The following ADGRV1 variants were observed in gnomAD, a reference collection of about 807,000 sequenced individuals.
ADGRV1 encodes G-protein coupled receptor 98.
In ADGRV1, 359 loss-of-function variants were observed where a neutral mutation model predicts 596.2. The observed-to-expected ratio is 0.60, with a 90% CI of 0.55 to 0.66. ADGRV1 has a LOEUF of 0.66. Ranked by LOEUF, ADGRV1 falls within the 30% of genes least tolerant of loss-of-function variation. The pLI is 0.00. For missense variants in ADGRV1, 7,274 were observed against 7,575.6 expected (o/e 0.96, Z 1.48); for synonymous variants, 2,681 against 2,679.2 (o/e 1.00, Z -0.02).
intron 50 of ADGRV1, among the ~76,000 whole-genome samples, chr5:90,733,069 GT>G (rs1447242091): frequency 3.3e-5 from 5 of 152,204 alleles, no homozygotes; most frequent in Admixed American, 3.3e-4. Context: ...CTGGGCAAGA[GT>G]TGAAGAGGGC....
chr5:90,851,134 T>TGTGTGTGTGTGTGTGTGAGAGAGAGAGA (rs757909771), intron 79 of ADGRV1, among the ~76,000 whole-genome samples: 57 of 81,484 alleles, frequency 7.0e-4, no homozygotes, highest in Non-Finnish European at 1.2e-3. Flanking sequence ...TGTGTGTGTG[T>TGTGTGTGTGTGTGTGTGAGAGAGAGAGA]GAGAGAGAGA....
chr5:91,164,274 C>T lies in ADGRV1; in HGVS notation c.*374C>T, dbSNP rs1797189408. On this transcript the variant is annotated 3_prime_UTR_variant, in exon 90 of 90. Coordinates refer to ENST00000405460, the MANE Select transcript of ADGRV1 (RefSeq NM_032119.4). ...AAACATTGTGCATGGGCAAAAAAAG[C>T]TAACTCTATATGTAGATGATGACAA... is the stretch of plus-strand genomic sequence containing the variant. The T allele has an allele frequency of 2.1e-5, 7 of 328,048 alleles. No individual in the cohort carries two copies. The highest frequency in any genetic ancestry group is 1.8e-4 in the South Asian group (7 of 38,448). 20.3% of individuals were successfully genotyped at this position (328,048 alleles called of 1,614,324 possible). A position where few individuals can be genotyped will look rare whatever the true frequency, so the allele number is the denominator to read the frequency against.
intron 38 of ADGRV1, among the ~76,000 whole-genome samples, chr5:90,707,245 G>A (rs1003640839): frequency 6.6e-6 from 1 of 151,988 alleles, no homozygotes; most frequent in African/African-American, 2.4e-5. Flanking sequence ...GTTGTTTTGG[G>A]GACTTAGTGT....
intron 87 of ADGRV1, among the ~76,000 whole-genome samples, chr5:91,102,701 A>C (rs975207243): frequency 6.6e-6 from 1 of 152,226 alleles, no homozygotes; most frequent in African/African-American, 2.4e-5. Context: ...GGGTCTAGAA[A>C]TTAGATCAAT....
chr5:90,618,985 A>T, intron 3 of ADGRV1, 101 bp from the exon 4 acceptor site: 1 of 510,024 alleles, frequency 2.0e-6, no homozygotes, highest in South Asian at 4.4e-5. Context: ...TATTTTTATT[A>T]TATTCTGAAT....
At chr5:90,655,859 A>G (rs1015952288) in intron 20 of ADGRV1, 2 of 152,220 alleles carry the variant, frequency 1.3e-5, no homozygotes, top group African/African-American at 2.4e-5. Context: ...TACAATCATT[A>G]TAAGAATCAT....
At chr5:90,580,628 A>G (rs1580338595) in intron 1 of ADGRV1, among the ~76,000 whole-genome samples, 1 of 152,070 alleles carries the variant, frequency 6.6e-6, no homozygotes, top group South Asian at 2.1e-4. Context: ...TCTGGCTTGT[A>G]GGGTTTCTGC....
intron 87 of ADGRV1, among the ~76,000 whole-genome samples, chr5:91,130,583 A>G (rs1794132978): frequency 1.3e-5 from 2 of 150,370 alleles, no homozygotes; most frequent in African/African-American, 4.9e-5. Context: ...AACATAAAGT[A>G]TCTGGGTTAC....
intron 1 of ADGRV1, among the ~76,000 whole-genome samples, chr5:90,594,818 C>T (rs1760044838): frequency 1.3e-5 from 2 of 150,910 alleles, no homozygotes; most frequent in South Asian, 4.2e-4. Context: ...CACAGATCAA[C>T]AGGATCCCAA....
Position 90,682,754 on chromosome 5 carries a change from A to G in ADGRV1, c.5665-832A>G, listed in dbSNP as rs573749570. Among the ~76,000 whole-genome samples, 3 of 152,330 alleles carry G rather than the reference A, an allele frequency of 2.0e-5. No homozygotes were observed. In the South Asian group the frequency reaches 6.2e-4, roughly 32 times the overall value. On this transcript the variant is annotated intron_variant, in intron 27 of 89. Transcript: ENST00000405460. ...ATTACTGTCTCTAAATTTTATTTTGATGTAACCATCATATTTCAAGAATAA... is the reference window on the plus strand; with the variant it reads ...ATTACTGTCTCTAAATTTTATTTTGGTGTAACCATCATATTTCAAGAATAA...
At chr5:90,909,631 AAG>A (rs939179790) in intron 83 of ADGRV1, among the ~76,000 whole-genome samples, 13 of 114,202 alleles carry the variant, frequency 1.1e-4, no homozygotes, top group African/African-American at 3.5e-4. Flanking sequence ...AAAGAAAAAA[AAG>A]AGAGAGAGAG....
intron 83 of ADGRV1, among the ~76,000 whole-genome samples, chr5:90,922,216 CTT>C (rs1216109635): frequency 2.0e-5 from 3 of 152,152 alleles, no homozygotes; most frequent in African/African-American, 7.2e-5. Context: ...TCCAAATAGT[CTT>C]TTGACTGATT....
At chr5:90,588,728 A>C (rs1044855082) in intron 1 of ADGRV1, among the ~76,000 whole-genome samples, 2 of 152,196 alleles carry the variant, frequency 1.3e-5, no homozygotes, top group Admixed American at 1.3e-4. Context: ...TTGTATTGCT[A>C]TCCTTTCGTA....
At chr5:90,596,501 T>C (rs868839136) in intron 1 of ADGRV1, among the ~76,000 whole-genome samples, 1 of 151,956 alleles carries the variant, frequency 6.6e-6, no homozygotes, top group African/African-American at 2.4e-5. Flanking sequence ...CTGGGCACCA[T>C]TGAGCACTGA....
chr5:90,852,647 C>T (rs1387905983), intron 79 of ADGRV1, among the ~76,000 whole-genome samples: 2 of 152,148 alleles, frequency 1.3e-5, no homozygotes, highest in Non-Finnish European at 2.9e-5. Flanking sequence ...AAGCAAACTT[C>T]CAAGTAATTT....
At chr5:90,894,009 A>G (rs1771070990) in intron 83 of ADGRV1, among the ~76,000 whole-genome samples, 1 of 152,244 alleles carries the variant, frequency 6.6e-6, no homozygotes, top group Non-Finnish European at 1.5e-5. Flanking sequence ...AAGGTCATCT[A>G]AAGCTGAATT....
chr5:91,096,253 A>G (rs1047267272), intron 86 of ADGRV1, among the ~76,000 whole-genome samples: 3 of 152,254 alleles, frequency 2.0e-5, no homozygotes, highest in Non-Finnish European at 4.4e-5. Context: ...TAATAAAGCC[A>G]TTATTGTTGT....
intron 1 of ADGRV1, among the ~76,000 whole-genome samples, chr5:90,564,333 T>C (rs1281442541): frequency 6.6e-6 from 1 of 152,140 alleles, no homozygotes; most frequent in African/African-American, 2.4e-5. Context: ...TTGGAGAGTG[T>C]TCTGGAAAAA....
intron 55 of ADGRV1, among the ~76,000 whole-genome samples, chr5:90,755,876 G>C (rs1373016394): frequency 1.3e-5 from 2 of 149,338 alleles, no homozygotes; most frequent in Non-Finnish European, 3.0e-5. Context: ...TATAATGTTA[G>C]TGTTACTAAT....
Sources: gnomAD v4.1 joint callset for allele counts (sites outside exome capture counted in the v4.1 genomes callset) on GRCh38, gnomAD v4.1.1 for gene constraint, MANE v1.5 for transcripts, NCBI Gene and HGNC (gene_info 2026-07-23, HGNC 2026-07-21) for gene names.